Variants in CACNA1C observed in about 807,000 individuals in gnomAD.
CACNA1C encodes voltage-dependent L-type calcium channel subunit alpha-1C.
Under a neutral mutation model 229.0 loss-of-function variants are expected in CACNA1C, and 30 were observed. The ratio of observed to expected loss-of-function variants is 0.13; its 90% CI spans 0.10 to 0.18. CACNA1C has a LOEUF of 0.18. CACNA1C is among the 10% of genes least tolerant of loss of function. CACNA1C has a pLI of 1.00. For missense variants in CACNA1C, 1,658 were observed against 2,845.0 expected, an observed-to-expected ratio of 0.58 and a Z score of 9.49; for synonymous variants, 1,114 against 1,132.5, an observed-to-expected ratio of 0.98 and a Z score of 0.33.
At chr12:2,234,696 T>G (rs528592751) in intron 3 of CACNA1C, among the ~76,000 whole-genome samples, 1 of 152,182 alleles carries the variant, frequency 6.6e-6, no homozygotes, top group East Asian at 1.9e-4. Flanking sequence ...GAAATCCGGT[T>G]TAGAGAACAG....
chr12:2,240,752 G>GTGTGGCCTCCT (rs2069664319), intron 3 of CACNA1C, among the ~76,000 whole-genome samples: 1 of 139,816 alleles, frequency 7.2e-6, no homozygotes, highest in African/African-American at 2.9e-5. Flanking sequence ...AGGTGGGCAC[G>GTGTGGCCTCCT]CGTGGCCTCC....
chr12:2,067,479 T>C lies in CACNA1C; in HGVS notation c.49+13868T>C, dbSNP rs12370997. ...GTGTGTGTGTGTGTGTGTGTGTGTG[T>C]GTGCGCGCGTGTGCGTGCCTGTATG... On this transcript the variant is annotated intron_variant, in intron 1 of 46. Transcript: ENST00000399655. The surrounding 1 kb of genome is among the most constrained non-coding windows in gnomAD (Gnocchi z 5.3). Among the ~76,000 whole-genome samples the C allele has an allele frequency of 1.2e-3, 157 of 127,054 alleles. No homozygotes were observed. Among genetic ancestry groups the C allele is most frequent in the African/African-American group, 2.5e-3 (85 of 34,426 alleles). 83.4% of individuals were successfully genotyped at this position (127,054 alleles called of 152,430 possible).
At chr12:2,545,356 G>A (rs573084599) in intron 9 of CACNA1C, among the ~76,000 whole-genome samples, 4 of 151,960 alleles carry the variant, frequency 2.6e-5, no homozygotes, top group South Asian at 4.2e-4. Flanking sequence ...TAAGAGGATC[G>A]GCTTTGATGG....
chr12:2,353,060 C>T (rs2154527582), intron 3 of CACNA1C, among the ~76,000 whole-genome samples: 1 of 152,304 alleles, frequency 6.6e-6, no homozygotes, highest in South Asian at 2.1e-4. Flanking sequence ...GCTCCACGTG[C>T]AAGGCAGTGT....
At chr12:2,648,438 C>G (rs2094565580) in intron 30 of CACNA1C, 37 bp from the exon 31 acceptor site, 2 of 1,605,414 alleles carry the variant, frequency 1.2e-6, no homozygotes, top group African/African-American at 1.3e-5. Flanking sequence ...TCATGGGAGA[C>G]TCATTACAGC....
intron 1 of CACNA1C, among the ~76,000 whole-genome samples, chr12:2,109,144 C>A (rs932255167): frequency 6.6e-6 from 1 of 152,218 alleles, no homozygotes; most frequent in African/African-American, 2.4e-5. Flanking sequence ...TTTGTGCTCA[C>A]AGAAGGCACC....
chr12:2,303,908 C>G (rs751962241), intron 3 of CACNA1C, among the ~76,000 whole-genome samples: 1 of 152,172 alleles, frequency 6.6e-6, no homozygotes, highest in Non-Finnish European at 1.5e-5. Context: ...AGAGACAGGT[C>G]TTGTTTGACT....
chr12:2,020,819 G>T (rs1565945635), intron 1 of CACNA1C, among the ~76,000 whole-genome samples: 1 of 152,178 alleles, frequency 6.6e-6, no homozygotes, highest in Non-Finnish European at 1.5e-5. Context: ...TCTTGACAAG[G>T]TGGTGGTTCA....
At chr12:2,435,315 C>T (rs2099123897) in intron 3 of CACNA1C, among the ~76,000 whole-genome samples, 1 of 152,250 alleles carries the variant, frequency 6.6e-6, no homozygotes. Context: ...GCTCATGTGG[C>T]AGGTTGCACA....
intron 3 of CACNA1C, among the ~76,000 whole-genome samples, chr12:2,257,532 A>G (rs886247950): frequency 1.3e-5 from 2 of 152,210 alleles, no homozygotes; most frequent in Non-Finnish European, 2.9e-5. Flanking sequence ...TGAGAATCTA[A>G]TGCTGCTGCT....
At chr12:2,377,456 C>T (rs770853864) in intron 3 of CACNA1C, among the ~76,000 whole-genome samples, 1 of 152,184 alleles carries the variant, frequency 6.6e-6, no homozygotes, top group African/African-American at 2.4e-5. Flanking sequence ...ACCGACCAGC[C>T]TAGCCTTACA....
Position 2,688,677 on chromosome 12 carries a change from C to T in CACNA1C, c.6015C>T (p.Ser2005=). Residue 2005 remains serine (S), a synonymous_variant, in exon 46 of 47, where the codon AGC becomes AGT. Coordinates refer to ENST00000399655, the MANE Select transcript of CACNA1C (RefSeq NM_000719.7). The part of the protein sequence containing the change: ...WAETTPGGGG[S]SAARRVRPVS... Reference sequence around the variant, plus strand: ...AGACCACCCCCGGTGGCGGGGGCAGCAGCGCCGCCCGGAGAGTCCGGCCCG... The same window carrying T: ...AGACCACCCCCGGTGGCGGGGGCAGTAGCGCCGCCCGGAGAGTCCGGCCCG... 1.9e-6 allele frequency: 3 copies of T among 1,613,160 alleles called. No homozygotes were observed. Among genetic ancestry groups the T allele is most frequent in the Non-Finnish European group, 2.5e-6 (3 of 1,179,698 alleles).
At chr12:2,022,445 G>T (rs894833757) in intron 1 of CACNA1C, among the ~76,000 whole-genome samples, 1 of 149,864 alleles carries the variant, frequency 6.7e-6, no homozygotes, top group Non-Finnish European at 1.5e-5. Flanking sequence ...TTTGTGACCA[G>T]AAAGATGCCC....
intron 3 of CACNA1C, among the ~76,000 whole-genome samples, chr12:2,262,776 G>A (rs748612650): frequency 1.3e-5 from 2 of 152,184 alleles, no homozygotes; most frequent in Admixed American, 6.5e-5. Context: ...CACAGCAGAT[G>A]TGAAAAGTGC....
chr12:2,093,140 C>G (rs2072059620), intron 1 of CACNA1C, among the ~76,000 whole-genome samples: 1 of 152,224 alleles, frequency 6.6e-6, no homozygotes, highest in African/African-American at 2.4e-5. Context: ...AATTTAGTTA[C>G]AGAGTCAGAA....
At chr12:2,524,669 C>T (rs1360067117) in intron 9 of CACNA1C, among the ~76,000 whole-genome samples, 2 of 152,246 alleles carry the variant, frequency 1.3e-5, no homozygotes, top group Non-Finnish European at 2.9e-5. Context: ...TTGCCACCCC[C>T]GGGGCCTCAC....
At chr12:2,295,389 C>T (rs1229380561) in intron 3 of CACNA1C, among the ~76,000 whole-genome samples, 1 of 152,182 alleles carries the variant, frequency 6.6e-6, no homozygotes, top group Non-Finnish European at 1.5e-5. Context: ...CTTCTGCAAC[C>T]CCATGCCTCT....
At chr12:2,611,868 C>T (rs937673053) in intron 28 of CACNA1C, 35 bp from the exon 29 acceptor site, 2 of 1,355,834 alleles carry the variant, frequency 1.5e-6, no homozygotes, top group Middle Eastern at 1.8e-4. Flanking sequence ...ACCTCCCTGC[C>T]CCGTGTTCAC....
intron 28 of CACNA1C, among the ~76,000 whole-genome samples, chr12:2,611,315 A>G (rs2077623334): frequency 7.1e-6 from 1 of 141,102 alleles, no homozygotes; most frequent in Admixed American, 7.0e-5. Flanking sequence ...GAGGAGATGG[A>G]GAACGGAGGG....
Sources: allele counts gnomAD v4.1 joint callset (sites outside exome capture counted in the v4.1 genomes callset), GRCh38; gene constraint gnomAD v4.1.1; non-coding constraint Gnocchi (gnomAD v3.1); transcripts MANE v1.5; gene names NCBI Gene and HGNC (gene_info 2026-07-23, HGNC 2026-07-21).